The following GPC5 variants were observed in gnomAD, a reference collection of about 807,000 sequenced individuals.
GPC5 encodes the protein glypican 5.
Under a neutral mutation model 53.9 loss-of-function variants are expected in GPC5, and 47 were observed. The observed-to-expected ratio is 0.87, with a 90% CI of 0.69 to 1.11. The LOEUF is 1.11. Ranked by LOEUF, GPC5 falls within the 50% of genes most tolerant of loss-of-function variation. The probability of loss-of-function intolerance (pLI) is 0.00; values close to 1 mark genes in which losing one functional copy is unlikely to be tolerated. For synonymous variants in GPC5, 286 were observed against 263.3 expected (o/e 1.09, Z -0.84); for missense variants, 748 against 713.1 (o/e 1.05, Z -0.56).
At chr13:91,998,674 G>A (rs931201014) in intron 6 of GPC5, among the ~76,000 whole-genome samples, 1 of 152,154 alleles carries the variant, frequency 6.6e-6, no homozygotes, top group African/African-American at 2.4e-5. Context: ...AACTGAAAAT[G>A]AGTGTGGCTT....
At chr13:91,474,412 C>T (rs1329342809) in intron 2 of GPC5, among the ~76,000 whole-genome samples, 4 of 152,038 alleles carry the variant, frequency 2.6e-5, no homozygotes, top group Non-Finnish European at 4.4e-5. Flanking sequence ...AATTTTCCTA[C>T]CATTTTTCTT....
At chr13:92,574,166 C>T (rs1022124851) in intron 7 of GPC5, among the ~76,000 whole-genome samples, 1 of 152,170 alleles carries the variant, frequency 6.6e-6, no homozygotes, top group African/African-American at 2.4e-5. Flanking sequence ...TACTACAAGT[C>T]TGTCTACGGA....
intron 6 of GPC5, chr13:91,996,182 G>A (rs1454923976): frequency 6.6e-6 from 1 of 152,232 alleles, no homozygotes; most frequent in Non-Finnish European, 1.5e-5. Context: ...TGTGGTTTAT[G>A]TGTCTGTGTA....
chr13:92,817,322 T>A (rs1254977641), intron 7 of GPC5, among the ~76,000 whole-genome samples: 4 of 151,990 alleles, frequency 2.6e-5, no homozygotes, highest in African/African-American at 9.7e-5. Context: ...AATCTACAAT[T>A]CCAATTGCCT....
At chr13:91,881,977 CAAG>C (rs1419239956) in intron 5 of GPC5, among the ~76,000 whole-genome samples, 1 of 152,126 alleles carries the variant, frequency 6.6e-6, no homozygotes, top group Admixed American at 6.6e-5. Flanking sequence ...TTTCAAAGTA[CAAG>C]AAGCATTTAA....
chr13:92,117,964 G>C (rs1272624222), intron 6 of GPC5, among the ~76,000 whole-genome samples: 1 of 152,126 alleles, frequency 6.6e-6, no homozygotes, highest in Non-Finnish European at 1.5e-5. Flanking sequence ...ATCTGGCTAG[G>C]ACCATCAGTA....
intron 7 of GPC5, among the ~76,000 whole-genome samples, chr13:92,579,976 C>G (rs1177559879): frequency 6.6e-6 from 1 of 152,126 alleles, no homozygotes; most frequent in African/African-American, 2.4e-5. Flanking sequence ...AGCATATATT[C>G]TAAAAACTTT....
rs191809041 is a variant in GPC5, at chr13:91,587,453, G to A, written c.326-105734G>A. 3.3e-5 allele frequency among the ~76,000 whole-genome samples: 5 copies of A among 152,142 alleles called. No individual in the cohort carries two copies. In the East Asian group the frequency reaches 7.7e-4, roughly 24 times the overall value. On this transcript the variant is annotated intron_variant, in intron 2 of 7. Transcript: ENST00000377067. ...TAAAAATCTTTTTTAACTAAAATAA[G>A]CAATGTGTCAGTCAGTTTGGCTAGG...
chr13:91,917,899 A>G (rs2039675492), intron 6 of GPC5, among the ~76,000 whole-genome samples: 3 of 152,184 alleles, frequency 2.0e-5, no homozygotes, highest in South Asian at 2.1e-4. Context: ...AAACTGTGTC[A>G]ACCTCTGTTT....
chr13:92,352,139 AC>A (rs1325053358), intron 7 of GPC5, among the ~76,000 whole-genome samples: 5 of 152,194 alleles, frequency 3.3e-5, no homozygotes, highest in African/African-American at 9.6e-5. Flanking sequence ...CTTGTGTGGA[AC>A]CTCATTATAT....
intron 6 of GPC5, among the ~76,000 whole-genome samples, chr13:92,065,622 A>G (rs1290923130): frequency 3.3e-5 from 5 of 152,024 alleles, no homozygotes; most frequent in Non-Finnish European, 5.9e-5. Flanking sequence ...GGATGTTTTG[A>G]CTCCTAAAAG....
intron 7 of GPC5, among the ~76,000 whole-genome samples, chr13:92,589,361 C>T (rs915336134): frequency 5.9e-5 from 9 of 152,088 alleles, no homozygotes; most frequent in Non-Finnish European, 1.3e-4. Flanking sequence ...CATAGTGCTG[C>T]GATTTTCTAC....
rs183848524 is a variant in GPC5, at chr13:91,998,370, C to T, written c.1401+90313C>T. On this transcript the variant is annotated intron_variant, in intron 6 of 7. Transcript: ENST00000377067. The stretch of plus-strand genomic sequence containing the variant: ...TTCTATGTAACTTTCTGAAAACATG[C>T]CAATTTCACCAAGACAAACACATAC... Among the ~76,000 whole-genome samples the T allele has an allele frequency of 4.1e-4, 63 of 152,246 alleles. 2 individuals carry two copies. In the South Asian group the frequency reaches 0.011, roughly 27 times the overall value.
In GPC5 at chr13:92,196,337, T is replaced by C. The variant is rs2042256567; in HGVS notation, c.1561+51348T>C. ...TTTTATTTTAAAGGTATGTACTTCTTACACAGGAATATGAATAGAAATAAA... is the reference window on the plus strand; with the variant it reads ...TTTTATTTTAAAGGTATGTACTTCTCACACAGGAATATGAATAGAAATAAA... On this transcript the variant is annotated intron_variant, in intron 7 of 7. Coordinates refer to ENST00000377067, the MANE Select transcript of GPC5 (RefSeq NM_004466.6). Among the ~76,000 whole-genome samples, 7 of 152,176 alleles carry C rather than the reference T, an allele frequency of 4.6e-5. No homozygotes were observed. In the South Asian group the frequency reaches 1.4e-3, roughly 32 times the overall value.
chr13:91,664,262 T>A (rs1043206192), intron 2 of GPC5, among the ~76,000 whole-genome samples: 1 of 152,248 alleles, frequency 6.6e-6, no homozygotes, highest in Non-Finnish European at 1.5e-5. Context: ...AGGGATCAGA[T>A]GTTCCTGATT....
At chr13:91,466,296 G>GT (rs1269877880) in intron 2 of GPC5, among the ~76,000 whole-genome samples, 1 of 152,160 alleles carries the variant, frequency 6.6e-6, no homozygotes, top group Non-Finnish European at 1.5e-5. Context: ...TGCGCTGTAT[G>GT]TAAGTCCTAT....
At chr13:92,742,722 AT>A (rs1187190893) in intron 7 of GPC5, among the ~76,000 whole-genome samples, 3 of 152,118 alleles carry the variant, frequency 2.0e-5, no homozygotes, top group Admixed American at 2.0e-4. Context: ...TAGGTCTGAC[AT>A]TTAAGTCTTT....
In GPC5 at chr13:91,878,570, T is replaced by C. The variant is rs1248243510; in HGVS notation, c.1281-29367T>C. 5.9e-5 allele frequency among the ~76,000 whole-genome samples: 9 copies of C among 152,074 alleles called. No individual in the cohort carries two copies. The East Asian group carries it at 1.7e-3, about 29-fold the overall frequency. On this transcript the variant is annotated intron_variant, in intron 5 of 7. Coordinates refer to ENST00000377067, the MANE Select transcript of GPC5 (RefSeq NM_004466.6). ...TAGTTCCCATAATCTATGTGGTTGT[T>C]CGAGGGACTTGGTGGGAGGTAATTG...
chr13:91,759,410 G>A (rs535020003), intron 5 of GPC5, among the ~76,000 whole-genome samples: 2 of 151,854 alleles, frequency 1.3e-5, no homozygotes, highest in South Asian at 2.1e-4. Flanking sequence ...ACTTTAAAAT[G>A]TACAATAAAT....
Sources: allele counts gnomAD v4.1 joint callset (sites outside exome capture counted in the v4.1 genomes callset), GRCh38; gene constraint gnomAD v4.1.1; transcripts MANE v1.5; gene names NCBI Gene and HGNC (gene_info 2026-07-23, HGNC 2026-07-21).